NUDCD1: variants seen among roughly 807,000 people sequenced by gnomAD.
The protein encoded by NUDCD1 is NudC domain containing 1.
Under a neutral mutation model 67.8 loss-of-function variants are expected in NUDCD1, and 60 were observed. The ratio of observed to expected loss-of-function variants is 0.88; its 90% CI spans 0.72 to 1.10. The LOEUF is 1.10. Among genes scored for constraint, NUDCD1 ranks in the 50% least tolerant of loss-of-function variants. The pLI, the probability that NUDCD1 is intolerant of heterozygous loss-of-function variation, is 0.00. For synonymous variants in NUDCD1, 244 were observed against 230.8 expected (o/e 1.06, Z -0.52); for missense variants, 643 against 695.0 (o/e 0.93, Z 0.84).
In NUDCD1 at chr8:109,333,935, A is replaced by T. The variant is rs376938085; in HGVS notation, c.76T>A (p.Ser26Thr). The change falls in exon 1 of 10, where the codon TCT becomes ACT. Residue 26 changes from serine (S) to threonine (T), a missense_variant. By Grantham distance (58) the Ser-to-Thr change is moderately conservative (BLOSUM62 1). Coordinates refer to ENST00000239690, the MANE Select transcript of NUDCD1 (RefSeq NM_032869.4). ...TGGTAACAAGGCAGCGGCTCAAGAG[A>T]GAGCTTGTAACCCTCGAAGCGGGGA... The part of the protein sequence containing the change: ...LDPRFEGYKL[S>T]LEPLPCYQLE... 6.2e-7 allele frequency: 1 copy of T among 1,614,158 alleles called. No individual in the cohort carries two copies. Among genetic ancestry groups the T allele is most frequent in the Non-Finnish European group, 8.5e-7 (1 of 1,179,984 alleles).
chr8:109,294,816 C>A (rs188955438), intron 3 of NUDCD1, among the ~76,000 whole-genome samples: 58 of 152,120 alleles, frequency 3.8e-4, no homozygotes, highest in Non-Finnish European at 5.4e-4. Flanking sequence ...CACCACCACC[C>A]TTGGCCCCCT....
chr8:109,271,912 C>T (rs952279078), intron 7 of NUDCD1, among the ~76,000 whole-genome samples: 2 of 151,754 alleles, frequency 1.3e-5, no homozygotes, highest in African/African-American at 4.8e-5. Context: ...AAAACAAAAA[C>T]AAAAACCTGT....
At chr8:109,262,000 C>T (rs1417967806) in intron 8 of NUDCD1, among the ~76,000 whole-genome samples, 9 of 151,948 alleles carry the variant, frequency 5.9e-5, no homozygotes, top group Admixed American at 5.9e-4. Flanking sequence ...GTGTTATGAA[C>T]AGCAATTACT....
intron 2 of NUDCD1, chr8:109,313,880 C>T: frequency 1.1e-6 from 1 of 897,228 alleles, no homozygotes; most frequent in Non-Finnish European, 1.6e-6. Flanking sequence ...GATTAAGATA[C>T]TTGAGTATCT....
chr8:109,261,303 T>A, intron 8 of NUDCD1, among the ~76,000 whole-genome samples: 1 of 152,066 alleles, frequency 6.6e-6, no homozygotes, highest in African/African-American at 2.4e-5. Context: ...TTCAAAAAGG[T>A]TAACATTAGC....
intron 4 of NUDCD1, among the ~76,000 whole-genome samples, chr8:109,290,370 C>T (rs1188059799): frequency 6.6e-6 from 1 of 152,036 alleles, no homozygotes; most frequent in African/African-American, 2.4e-5. Flanking sequence ...GACCGGCTTA[C>T]TTGGAATAAC....
chr8:109,318,852 C>T (rs900667705), intron 2 of NUDCD1, among the ~76,000 whole-genome samples: 2 of 152,130 alleles, frequency 1.3e-5, no homozygotes, highest in Non-Finnish European at 2.9e-5. Flanking sequence ...AGCTATTATC[C>T]ATTCAACAAA....
rs933367046 is a variant in NUDCD1 at position 109,302,969 on chromosome 8, G to A, written c.274-6400C>T. Among the ~76,000 whole-genome samples, 23 of 152,210 alleles carry A rather than the reference G, an allele frequency of 1.5e-4. No homozygotes were observed. In the East Asian group the frequency reaches 2.9e-3, roughly 19 times the overall value. ...TAATAAAGAAGAGTTGCAATTACTC[G>A]CCTCCACTGTGAGAGAAACCCCAGC... On this transcript the variant is annotated intron_variant, in intron 2 of 9. Transcript: ENST00000239690.
chr8:109,316,978 T>C (rs1563683225), intron 2 of NUDCD1, among the ~76,000 whole-genome samples: 1 of 152,170 alleles, frequency 6.6e-6, no homozygotes, highest in East Asian at 1.9e-4. Context: ...AATAAACTAA[T>C]ACCTTTCCTA....
At chr8:109,274,072 A>G (rs1463396311) in intron 7 of NUDCD1, among the ~76,000 whole-genome samples, 2 of 152,142 alleles carry the variant, frequency 1.3e-5, no homozygotes, top group Admixed American at 1.3e-4. Context: ...TCTTCAATGT[A>G]ATAAAAAGAA....
intron 7 of NUDCD1, among the ~76,000 whole-genome samples, chr8:109,271,564 A>G (rs2980605): frequency 0.36 from 54,773 of 152,042 alleles, 10,700 homozygotes; most frequent in South Asian, 0.5. Flanking sequence ...AGGGAAACTC[A>G]GTGACCTGTG....
In NUDCD1 at chr8:109,253,126, T is replaced by C. The variant is rs1195285940; in HGVS notation, c.1300-7645A>G. Among the ~76,000 whole-genome samples the C allele has an allele frequency of 2.6e-5, 4 of 152,224 alleles. No homozygotes were observed. In the East Asian group the frequency reaches 7.7e-4, roughly 29 times the overall value. Reference sequence around the variant, plus strand: ...TTAATCTATTGATTTATAAAATGGTTATGATGAAGTGTTTTCTCGAACAGA... The same window carrying C: ...TTAATCTATTGATTTATAAAATGGTCATGATGAAGTGTTTTCTCGAACAGA... On this transcript the variant is annotated intron_variant, in intron 8 of 9. Coordinates refer to ENST00000239690, the MANE Select transcript of NUDCD1 (RefSeq NM_032869.4).
intron 2 of NUDCD1, chr8:109,313,798 TG>T: frequency 1.1e-6 from 1 of 904,058 alleles, no homozygotes; most frequent in Non-Finnish European, 1.6e-6. Flanking sequence ...TTAAAATACC[TG>T]GTTATACATG....
rs562645043 is a variant in NUDCD1, at chr8:109,241,179, G to C, written c.*1830C>G. On this transcript the variant is annotated 3_prime_UTR_variant, in exon 10 of 10. Transcript: ENST00000239690. ...GTAGGTCAACATGCGACAATATTTA[G>C]GATTAATTATCCTGAGAGCTTTCAA... The C allele has an allele frequency of 5.5e-4, 83 of 151,974 alleles. 1 individual carries two copies. The highest frequency in any genetic ancestry group is 3.4e-3 in the Middle Eastern group (1 of 294). 9.4% of individuals were successfully genotyped at this position (151,974 alleles called of 1,614,324 possible). A position where few individuals can be genotyped will look rare whatever the true frequency, so the allele number is the denominator to read the frequency against.
chr8:109,303,626 C>A (rs1319142904), intron 2 of NUDCD1, among the ~76,000 whole-genome samples: 3 of 142,376 alleles, frequency 2.1e-5, no homozygotes, highest in African/African-American at 7.9e-5. Context: ...TACAGCCACC[C>A]CTCATTGCCA....
At position 109,280,961 on chromosome 8, in the gene NUDCD1, A is replaced by G; in HGVS notation, c.1028+7T>C. On this transcript the variant is annotated splice_region_variant and intron_variant, in intron 6 of 9. Transcript: ENST00000239690. ...TAGAATATTAAAGTAAAATTAAAAA[A>G]AAATACCTATTACTCTCTTTAATTA... The G allele has an allele frequency of 7.2e-7, 1 of 1,395,226 alleles. No homozygotes were observed. Among genetic ancestry groups the G allele is most frequent in the Non-Finnish European group, 9.8e-7 (1 of 1,020,610 alleles). 86.4% of individuals were successfully genotyped at this position (1,395,226 alleles called of 1,614,324 possible). A position where few individuals can be genotyped will look rare whatever the true frequency, so the allele number is the denominator to read the frequency against.
chr8:109,289,218 G>A (rs896623024), intron 5 of NUDCD1, among the ~76,000 whole-genome samples: 3 of 151,694 alleles, frequency 2.0e-5, no homozygotes, highest in South Asian at 2.1e-4. Context: ...CTTTTGATCC[G>A]CCCACCTAGG....
At chr8:109,247,583 T>C (rs772917049) in intron 8 of NUDCD1, among the ~76,000 whole-genome samples, 8 of 152,228 alleles carry the variant, frequency 5.3e-5, no homozygotes, top group Non-Finnish European at 1.0e-4. Flanking sequence ...ATTTCCATTA[T>C]GGCGACTGTG....
intron 2 of NUDCD1, among the ~76,000 whole-genome samples, chr8:109,309,170 C>G (rs981858361): frequency 6.6e-6 from 1 of 151,568 alleles, no homozygotes; most frequent in African/African-American, 2.4e-5. Context: ...AAGAAAACTA[C>G]AGAGAGATAT....
Sources: allele counts gnomAD v4.1 joint callset (sites outside exome capture counted in the v4.1 genomes callset), GRCh38; gene constraint gnomAD v4.1.1; transcripts MANE v1.5; gene names NCBI Gene and HGNC (gene_info 2026-07-23, HGNC 2026-07-21).